Variants in FAM227A observed in about 807,000 individuals in gnomAD.
FAM227A encodes protein FAM227A.
FAM227A carries 80 observed loss-of-function variants against 74.7 expected under a neutral mutation model. That is an observed-to-expected ratio of 1.07 (90% CI 0.89 to 1.29). The LOEUF is 1.29. Ranked by LOEUF, FAM227A falls within the 50% of genes most tolerant of loss-of-function variation. The probability of loss-of-function intolerance (pLI) is 0.00; values close to 1 mark genes in which losing one functional copy is unlikely to be tolerated. For synonymous variants in FAM227A, 237 were observed against 241.8 expected (o/e 0.98, Z 0.19); for missense variants, 654 against 683.4 (o/e 0.96, Z 0.48).
At chr22:38,598,358 C>T (rs930396195) in intron 14 of FAM227A, among the ~76,000 whole-genome samples, 2 of 152,110 alleles carry the variant, frequency 1.3e-5, no homozygotes, top group African/African-American at 4.8e-5. Context: ...GCTTGGAGGT[C>T]GAGCTGTGCA....
chr22:38,646,562 C>G (rs2092244065), intron 2 of FAM227A, among the ~76,000 whole-genome samples: 1 of 151,740 alleles, frequency 6.6e-6, no homozygotes, highest in Non-Finnish European at 1.5e-5. Flanking sequence ...GCGCCCGGCC[C>G]AGTATTTCTT....
chr22:38,595,255 C>T (rs938965892), intron 15 of FAM227A, among the ~76,000 whole-genome samples: 7 of 152,096 alleles, frequency 4.6e-5, no homozygotes, highest in African/African-American at 1.7e-4. Flanking sequence ...AAACTGAATC[C>T]CATTTTGTTT....
intron 10 of FAM227A, 66 bp from the exon 11 acceptor site, chr22:38,620,357 A>G: frequency 4.0e-6 from 5 of 1,242,994 alleles, no homozygotes; most frequent in Non-Finnish European, 5.7e-6. Context: ...GTAGCCCAGG[A>G]GCTTGAGACA....
Position 38,585,921 on chromosome 22 carries a change from T to A in FAM227A, c.*204A>T, listed in dbSNP as rs879820060. ...CTGAAAGAGTAAATCTATGAATAAA[T>A]GTAGTGACCCAAGCACCAACTCTCT... On this transcript the variant is annotated 3_prime_UTR_variant, in exon 17 of 17. Coordinates refer to ENST00000535113, the MANE Select transcript of FAM227A (RefSeq NM_001013647.2). 4.9e-5 allele frequency: 58 copies of A among 1,177,052 alleles called. No individual in the cohort carries two copies. The Admixed American group carries it at 1.6e-3, about 33-fold the overall frequency. 72.9% of individuals were successfully genotyped at this position (1,177,052 alleles called of 1,614,324 possible). A position where few individuals can be genotyped will look rare whatever the true frequency, so the allele number is the denominator to read the frequency against.
rs558073157 is a variant in FAM227A at position 38,578,396 on chromosome 22, T to C, written c.*7729A>G. ...GTGTGTATGTATACACACACATACA[T>C]GTATATTTAATAGTCATTTTGGGCT... On this transcript the variant is annotated 3_prime_UTR_variant, in exon 17 of 17. Transcript: ENST00000535113. 2.6e-5 allele frequency: 4 copies of C among 152,340 alleles called. No individual in the cohort carries two copies. The South Asian group carries it at 8.3e-4, about 32-fold the overall frequency. 9.4% of individuals were successfully genotyped at this position (152,340 alleles called of 1,614,324 possible).
rs2090723074 is a variant in FAM227A at position 38,582,543 on chromosome 22, T to C, written c.*3582A>G. 1 of 1,023,342 alleles carries C rather than the reference T, an allele frequency of 9.8e-7. No individual in the cohort carries two copies. Among genetic ancestry groups the C allele is most frequent in the Middle Eastern group, 2.1e-4 (1 of 4,768 alleles). The allele number at this position is 1,023,342 out of a possible 1,614,324, so 63.4% of individuals were successfully genotyped here. A position where few individuals can be genotyped will look rare whatever the true frequency, so the allele number is the denominator to read the frequency against. ...GGGCAAATAATTCTTCCCCATAATT[T>C]TCCCTTCTAATGTTTACAAAGGGCA... On this transcript the variant is annotated 3_prime_UTR_variant, in exon 17 of 17. Transcript: ENST00000535113.
At chr22:38,604,924 A>T (rs1244707784) in intron 13 of FAM227A, among the ~76,000 whole-genome samples, 1 of 152,138 alleles carries the variant, frequency 6.6e-6, no homozygotes, top group Admixed American at 6.5e-5. Flanking sequence ...AAGTGCTGGG[A>T]TTACAGGCAT....
intron 3 of FAM227A, among the ~76,000 whole-genome samples, chr22:38,640,539 G>C (rs2092092849): frequency 6.6e-6 from 1 of 152,086 alleles, no homozygotes; most frequent in South Asian, 2.1e-4. Context: ...ATGAATGCTA[G>C]TGACCCAAGT....
chr22:38,618,788 G>A (rs916444996), intron 11 of FAM227A, among the ~76,000 whole-genome samples: 1 of 152,098 alleles, frequency 6.6e-6, no homozygotes, highest in African/African-American at 2.4e-5. Flanking sequence ...GGCTTTGCAG[G>A]TCCTAAAGTC....
intron 12 of FAM227A, among the ~76,000 whole-genome samples, chr22:38,607,096 G>A (rs964696914): frequency 2.0e-5 from 3 of 149,098 alleles, no homozygotes; most frequent in Non-Finnish European, 3.0e-5. Flanking sequence ...AGAATCGCTT[G>A]AACCTGGGAG....
chr22:38,628,768 G>A, intron 7 of FAM227A, 66 bp downstream of exon 7: 1 of 973,372 alleles, frequency 1.0e-6, no homozygotes, highest in Non-Finnish European at 1.6e-6. Flanking sequence ...ATGTCAAAGA[G>A]AATGGAATTT....
chr22:38,625,846 G>A (rs1457954738), intron 9 of FAM227A, among the ~76,000 whole-genome samples: 3 of 151,458 alleles, frequency 2.0e-5, no homozygotes, highest in Admixed American at 1.3e-4. Flanking sequence ...AGGAGGCTGA[G>A]GCAGGAGAAT....
At chr22:38,619,388 ATC>A (rs1181067736) in intron 11 of FAM227A, among the ~76,000 whole-genome samples, 3 of 152,088 alleles carry the variant, frequency 2.0e-5, no homozygotes, top group Admixed American at 6.6e-5. Context: ...CAGTGGTGTG[ATC>A]TCAGCTCTCT....
chr22:38,651,955 G>A (rs1457719178), intron 1 of FAM227A, among the ~76,000 whole-genome samples: 1 of 152,006 alleles, frequency 6.6e-6, no homozygotes, highest in Non-Finnish European at 1.5e-5. Flanking sequence ...TTGGGAGGCC[G>A]AGGCAGGCGA....
chr22:38,651,493 T>TGCGACTACAGGTACCTGCCACCC (rs1313322005), intron 1 of FAM227A, among the ~76,000 whole-genome samples: 2 of 152,130 alleles, frequency 1.3e-5, no homozygotes, highest in East Asian at 3.9e-4. Flanking sequence ...CCCGTGTAGC[T>TGCGACTACAGGTACCTGCCACCC]GCGACTACAG....
At chr22:38,617,828 C>G (rs1311852091) in intron 11 of FAM227A, among the ~76,000 whole-genome samples, 1 of 151,988 alleles carries the variant, frequency 6.6e-6, no homozygotes, top group Non-Finnish European at 1.5e-5. Flanking sequence ...CAAGACTTCT[C>G]TATTAAAAAT....
At chr22:38,624,650 A>T (rs901354322) in intron 9 of FAM227A, among the ~76,000 whole-genome samples, 5 of 152,166 alleles carry the variant, frequency 3.3e-5, no homozygotes, top group African/African-American at 4.8e-5. Context: ...AGAGGTGTCT[A>T]TGTGACGATC....
chr22:38,607,486 A>G lies in FAM227A; in HGVS notation c.1039-10T>C. The G allele has an allele frequency of 6.5e-7, 1 of 1,530,266 alleles. No individual in the cohort carries two copies. 94.8% of individuals were successfully genotyped at this position (1,530,266 alleles called of 1,614,324 possible). A position where few individuals can be genotyped will look rare whatever the true frequency, so the allele number is the denominator to read the frequency against. Reference sequence around the variant, plus strand: ...AATTTGCACTAGAAGACTTCAGGAGACAAGAGAGAGAAAGAGAGGGAGAAA... The same window carrying G: ...AATTTGCACTAGAAGACTTCAGGAGGCAAGAGAGAGAAAGAGAGGGAGAAA... On this transcript the variant is annotated splice_polypyrimidine_tract_variant and intron_variant, in intron 11 of 16. Coordinates refer to ENST00000535113, the MANE Select transcript of FAM227A (RefSeq NM_001013647.2).
chr22:38,599,408 T>C (rs966486302), intron 14 of FAM227A, among the ~76,000 whole-genome samples: 1 of 152,208 alleles, frequency 6.6e-6, no homozygotes, highest in Non-Finnish European at 1.5e-5. Context: ...ACAAAATTCC[T>C]GGTCAGTACA....
Sources: allele counts gnomAD v4.1 joint callset (sites outside exome capture counted in the v4.1 genomes callset), GRCh38; gene constraint gnomAD v4.1.1; transcripts MANE v1.5; gene names NCBI Gene and HGNC (gene_info 2026-07-23, HGNC 2026-07-21).